The following DPP10 variants were observed in gnomAD, a reference collection of about 807,000 sequenced individuals.
DPP10 encodes the protein inactive dipeptidyl peptidase 10.
Under a neutral mutation model 120.9 loss-of-function variants are expected in DPP10, and 33 were observed. That is an observed-to-expected ratio of 0.27 (90% confidence interval 0.21 to 0.37). The LOEUF (loss-of-function observed/expected upper bound fraction) is 0.37. Ranked by LOEUF, DPP10 falls within the 10% of genes least tolerant of loss-of-function variation. The pLI is 1.00. For missense variants in DPP10, 816 were observed against 942.8 expected (o/e 0.87, Z 1.76); for synonymous variants, 337 against 326.1 (o/e 1.03, Z -0.36).
intron 3 of DPP10, among the ~76,000 whole-genome samples, chr2:115,384,553 GA>G (rs1417619731): frequency 2.7e-4 from 19 of 69,732 alleles, no homozygotes; most frequent in Non-Finnish European, 4.8e-4. Flanking sequence ...GAAGGAAGAA[GA>G]AGAGGAAGAA....
chr2:115,429,459 A>G (rs1207778310), intron 3 of DPP10, among the ~76,000 whole-genome samples: 1 of 152,174 alleles, frequency 6.6e-6, no homozygotes, highest in Non-Finnish European at 1.5e-5. Flanking sequence ...AATATATAAC[A>G]TTATGTCCAA....
chr2:114,879,875 G>C (rs1161521904), intron 1 of DPP10, among the ~76,000 whole-genome samples: 1 of 152,036 alleles, frequency 6.6e-6, no homozygotes, highest in African/African-American at 2.4e-5. Context: ...ATACACTCTG[G>C]GAACTTTTGA....
intron 1 of DPP10, chr2:115,131,925 C>T (rs1039507366): frequency 1.4e-5 from 2 of 143,554 alleles, no homozygotes; most frequent in Non-Finnish European, 3.0e-5. Flanking sequence ...CCTGTCTCTA[C>T]TAAAAAAAAA....
chr2:114,496,986 C>G (rs568192298), intron 1 of DPP10, among the ~76,000 whole-genome samples: 1 of 149,918 alleles, frequency 6.7e-6, no homozygotes, highest in Non-Finnish European at 1.5e-5. Flanking sequence ...GACCCTCTCA[C>G]CATACACAGA....
At chr2:115,014,489 A>G (rs1702491967) in intron 1 of DPP10, among the ~76,000 whole-genome samples, 1 of 152,178 alleles carries the variant, frequency 6.6e-6, no homozygotes, top group Non-Finnish European at 1.5e-5. Flanking sequence ...GAAATCACTA[A>G]GATCAGAGCA....
intron 3 of DPP10, among the ~76,000 whole-genome samples, chr2:115,451,234 A>T (rs2073081404): frequency 6.6e-6 from 1 of 151,978 alleles, no homozygotes; most frequent in African/African-American, 2.4e-5. Flanking sequence ...GTATAATAAA[A>T]GTATTCCATT....
At chr2:115,770,687 AC>A (rs1382826356) in intron 13 of DPP10, among the ~76,000 whole-genome samples, 1 of 152,044 alleles carries the variant, frequency 6.6e-6, no homozygotes, top group African/African-American at 2.4e-5. Flanking sequence ...AAAATAGCTA[AC>A]AAAAAAGCTA....
chr2:114,443,589 C>T (rs1677777473), intron 1 of DPP10, among the ~76,000 whole-genome samples: 1 of 151,826 alleles, frequency 6.6e-6, no homozygotes, highest in Admixed American at 6.6e-5. Context: ...AACGACCAGA[C>T]TTCCAATCAA....
At chr2:115,130,484 GCATCCATCCATCCATCTATC>G (rs1559128564) in intron 1 of DPP10, among the ~76,000 whole-genome samples, 2 of 137,128 alleles carry the variant, frequency 1.5e-5, no homozygotes, top group Non-Finnish European at 3.2e-5. Flanking sequence ...ATCCATCCAT[GCATCCATCCATCCATCTATC>G]CATCCATCCA....
intron 1 of DPP10, among the ~76,000 whole-genome samples, chr2:115,020,065 A>C (rs1359483145): frequency 6.6e-6 from 1 of 152,206 alleles, no homozygotes; most frequent in Admixed American, 6.5e-5. Flanking sequence ...TAAAGTGTAA[A>C]TCTCACAAGA....
Position 114,855,376 on chromosome 2 carries a change from T to TG in DPP10, c.60+412538_60+412539insG, listed in dbSNP as rs892622199. 2.8e-3 allele frequency among the ~76,000 whole-genome samples: 420 copies of TG among 152,290 alleles called. 1 individual carries two copies. Among genetic ancestry groups the TG allele is most frequent in the African/African-American group, 9.8e-3 (409 of 41,566 alleles). On this transcript the variant is annotated intron_variant, in intron 1 of 25. Coordinates refer to ENST00000410059, the MANE Select transcript of DPP10 (RefSeq NM_020868.6). ...AGAAATAAACAATAAAGATAACAAA[T>TG]ACACCTTAATAGCAAATCCACTTAA...
chr2:114,663,346 G>A (rs1697595164), intron 1 of DPP10, among the ~76,000 whole-genome samples: 1 of 149,548 alleles, frequency 6.7e-6, no homozygotes, highest in Non-Finnish European at 1.5e-5. Context: ...CTGGTTTATT[G>A]ATTATCCGAT....
chr2:114,610,633 C>T (rs892609842), intron 1 of DPP10, among the ~76,000 whole-genome samples: 1 of 152,052 alleles, frequency 6.6e-6, no homozygotes, highest in Non-Finnish European at 1.5e-5. Flanking sequence ...GTGTCCAGGG[C>T]ACCAAGACAA....
chr2:115,401,344 C>G (rs1381346518), intron 3 of DPP10, among the ~76,000 whole-genome samples: 1 of 152,158 alleles, frequency 6.6e-6, no homozygotes, highest in Non-Finnish European at 1.5e-5. Flanking sequence ...CTTTGGGAGG[C>G]CAAACTGGGA....
intron 5 of DPP10, among the ~76,000 whole-genome samples, chr2:115,604,450 C>G (rs2083564909): frequency 6.6e-6 from 1 of 152,190 alleles, no homozygotes; most frequent in Admixed American, 6.5e-5. Flanking sequence ...GAGGAATGCT[C>G]TCAACCTGGA....
chr2:114,591,711 C>T (rs1475805993), intron 1 of DPP10, among the ~76,000 whole-genome samples: 4 of 151,912 alleles, frequency 2.6e-5, no homozygotes, highest in Admixed American at 6.6e-5. Flanking sequence ...TGTGCCAACA[C>T]GTCTGGCTAA....
intron 7 of DPP10, among the ~76,000 whole-genome samples, chr2:115,708,298 G>A (rs997339903): frequency 1.3e-5 from 2 of 151,966 alleles, no homozygotes; most frequent in Non-Finnish European, 2.9e-5. Context: ...AATTTAAAAA[G>A]CAACTGTGAC....
At chr2:115,035,283 C>T (rs569928555) in intron 1 of DPP10, among the ~76,000 whole-genome samples, 1 of 152,344 alleles carries the variant, frequency 6.6e-6, no homozygotes. Flanking sequence ...TCCATCCCTA[C>T]CCCAGTCAGG....
At chr2:115,526,902 C>A (rs1238126790) in intron 5 of DPP10, among the ~76,000 whole-genome samples, 3 of 152,052 alleles carry the variant, frequency 2.0e-5, no homozygotes, top group Admixed American at 2.0e-4. Context: ...GGATTTTAGT[C>A]AAAGGCCTCT....
Sources: allele counts gnomAD v4.1 joint callset (sites outside exome capture counted in the v4.1 genomes callset), GRCh38; gene constraint gnomAD v4.1.1; transcripts MANE v1.5; gene names NCBI Gene and HGNC (gene_info 2026-07-23, HGNC 2026-07-21).